KHDRBS2: variants seen among roughly 807,000 people sequenced by gnomAD.
KHDRBS2 encodes KH domain-containing, RNA-binding, signal transduction-associated protein 2.
In KHDRBS2, 26 loss-of-function variants were observed where a neutral mutation model predicts 44.3. That is an observed-to-expected ratio of 0.59 (90% CI 0.43 to 0.81). The LOEUF (loss-of-function observed/expected upper bound fraction) is 0.81. Among genes scored for constraint, KHDRBS2 ranks in the 40% least tolerant of loss-of-function variants. The probability of loss-of-function intolerance (pLI) is 0.00; values close to 1 mark genes in which losing one functional copy is unlikely to be tolerated. For synonymous variants in KHDRBS2, 194 were observed against 151.1 expected, an observed-to-expected ratio of 1.28 and a Z score of -2.08; for missense variants, 476 against 433.1, an observed-to-expected ratio of 1.10 and a Z score of -0.88.
chr6:61,644,508 A>G, the KHDRBS2 span, among the ~76,000 whole-genome samples: 1 of 152,318 alleles, frequency 6.6e-6, no homozygotes, highest in Non-Finnish European at 1.5e-5. Flanking sequence ...CTATCAACAG[A>G]GTAAACACAA....
At chr6:62,106,444 G>C (rs945442511) in intron 2 of KHDRBS2, among the ~76,000 whole-genome samples, 1 of 151,976 alleles carries the variant, frequency 6.6e-6, no homozygotes, top group Non-Finnish European at 1.5e-5. Context: ...CAGGACTTCT[G>C]TTATGAATCT....
intron 2 of KHDRBS2, among the ~76,000 whole-genome samples, chr6:62,139,859 T>C (rs1812400772): frequency 6.6e-6 from 1 of 152,136 alleles, no homozygotes; most frequent in Non-Finnish European, 1.5e-5. Flanking sequence ...ACACATGAAG[T>C]ATGCTTTGCT....
chr6:61,597,732 T>A, the KHDRBS2 span, among the ~76,000 whole-genome samples: 972 of 37,324 alleles, frequency 0.026, 53 homozygotes, highest in East Asian at 0.087. Context: ...TTTGCACCTT[T>A]TATATATATA....
intron 2 of KHDRBS2, among the ~76,000 whole-genome samples, chr6:62,099,474 A>C (rs1562855473): frequency 1.3e-5 from 2 of 152,088 alleles, no homozygotes; most frequent in Non-Finnish European, 2.9e-5. Context: ...GTTGTTCCCT[A>C]GAGGAGGGCC....
chr6:62,039,135 A>G (rs1785929238), intron 3 of KHDRBS2, among the ~76,000 whole-genome samples: 1 of 151,968 alleles, frequency 6.6e-6, no homozygotes, highest in Admixed American at 6.6e-5. Context: ...GCAACACAGA[A>G]CTTGAGAAAT....
chr6:61,721,198 G>C (rs1440591480), intron 7 of KHDRBS2, among the ~76,000 whole-genome samples: 1 of 152,118 alleles, frequency 6.6e-6, no homozygotes, highest in Non-Finnish European at 1.5e-5. Flanking sequence ...AGTATAGTTT[G>C]AAGTCAGGTA....
At chr6:61,892,747 T>C (rs1229678913) in intron 6 of KHDRBS2, among the ~76,000 whole-genome samples, 1 of 152,084 alleles carries the variant, frequency 6.6e-6, no homozygotes, top group African/African-American at 2.4e-5. Context: ...ATACAAAAAT[T>C]AATTCGAGAT....
chr6:62,250,018 A>G (rs1207782839), intron 1 of KHDRBS2, among the ~76,000 whole-genome samples: 1 of 152,086 alleles, frequency 6.6e-6, no homozygotes, highest in Non-Finnish European at 1.5e-5. Context: ...TGCATTGAGT[A>G]CTAGAATTAA....
chr6:61,578,887 A>G, the KHDRBS2 span, among the ~76,000 whole-genome samples: 1 of 152,108 alleles, frequency 6.6e-6, no homozygotes, highest in Non-Finnish European at 1.5e-5. Flanking sequence ...TTTCGCCTCT[A>G]ATATCTTATA....
At chr6:61,723,011 C>G (rs1022976345) in intron 7 of KHDRBS2, among the ~76,000 whole-genome samples, 2 of 152,020 alleles carry the variant, frequency 1.3e-5, no homozygotes, top group African/African-American at 4.8e-5. Flanking sequence ...GAGGAAGAAG[C>G]AGAGGAAGAA....
intron 2 of KHDRBS2, among the ~76,000 whole-genome samples, chr6:62,148,595 T>G (rs559389279): frequency 6.6e-6 from 1 of 151,858 alleles, no homozygotes; most frequent in African/African-American, 2.4e-5. Context: ...CTAAATAAGA[T>G]AGCTATAAAT....
chr6:61,785,823 C>G (rs1451999544), intron 6 of KHDRBS2, among the ~76,000 whole-genome samples: 6 of 151,988 alleles, frequency 3.9e-5, no homozygotes, highest in Non-Finnish European at 8.8e-5. Flanking sequence ...TTTTTGCTTA[C>G]GTAATAATAG....
intron 1 of KHDRBS2, among the ~76,000 whole-genome samples, chr6:62,246,921 T>C (rs1835668816): frequency 6.6e-6 from 1 of 152,078 alleles, no homozygotes. Context: ...GTATTATTTA[T>C]AAAACATGTT....
At chr6:62,219,777 T>C (rs965429237) in intron 1 of KHDRBS2, among the ~76,000 whole-genome samples, 5 of 148,672 alleles carry the variant, frequency 3.4e-5, no homozygotes, top group African/African-American at 1.2e-4. Flanking sequence ...TCAAGTTTTA[T>C]ATATATATTT....
chr6:62,222,612 C>A (rs1585274154), intron 1 of KHDRBS2, among the ~76,000 whole-genome samples: 1 of 152,254 alleles, frequency 6.6e-6, no homozygotes, highest in East Asian at 1.9e-4. Context: ...TGAATGGGGA[C>A]ACAGCCAAAC....
chr6:62,030,213 G>A (rs1400323672), intron 3 of KHDRBS2, among the ~76,000 whole-genome samples: 1 of 152,056 alleles, frequency 6.6e-6, no homozygotes, highest in Non-Finnish European at 1.5e-5. Flanking sequence ...CTAGTAATAA[G>A]ACAAGAATCT....
intron 4 of KHDRBS2, among the ~76,000 whole-genome samples, chr6:61,913,877 G>T (rs1343847303): frequency 6.6e-6 from 1 of 152,086 alleles, no homozygotes; most frequent in Non-Finnish European, 1.5e-5. Flanking sequence ...GGAACAGGGA[G>T]AATGCCAGTG....
rs1044510789 is a variant in KHDRBS2 at position 62,100,520 on chromosome 6, G to A, written c.220-52526C>T. 9.1e-4 allele frequency among the ~76,000 whole-genome samples: 139 copies of A among 152,108 alleles called. 8 individuals are homozygous for A. Among genetic ancestry groups the A allele is most frequent in the Admixed American group, 6.5e-5 (1 of 15,268 alleles). The stretch of plus-strand genomic sequence containing the variant: ...CATTTCATAAGAGGAAGAGGCAAGC[G>A]ATGTGGCAAACATTATTGTGTTGTC... On this transcript the variant is annotated intron_variant, in intron 2 of 8. Transcript: ENST00000281156.
intron 1 of KHDRBS2, among the ~76,000 whole-genome samples, chr6:62,199,860 C>T (rs891985209): frequency 3.3e-5 from 5 of 152,136 alleles, no homozygotes; most frequent in Non-Finnish European, 5.9e-5. Flanking sequence ...GCAACCAAAA[C>T]AGCATGGTAC....
Sources: allele counts gnomAD v4.1 joint callset (sites outside exome capture counted in the v4.1 genomes callset), GRCh38; gene constraint gnomAD v4.1.1; transcripts MANE v1.5; gene names NCBI Gene and HGNC (gene_info 2026-07-23, HGNC 2026-07-21).